DYSF: variants seen among roughly 807,000 people sequenced by gnomAD.
The protein encoded by DYSF is dystrophy-associated fer-1-like 1.
A neutral mutation model predicts 274.9 loss-of-function variants in DYSF; 212 were observed. That is an observed-to-expected ratio of 0.77 (90% CI 0.69 to 0.86). DYSF has a LOEUF of 0.86. Among genes scored for constraint, DYSF ranks in the 40% least tolerant of loss-of-function variants. DYSF has a pLI of 0.00. For synonymous variants in DYSF, 1,091 were observed against 1,078.7 expected (o/e 1.01, Z -0.22); for missense variants, 2,666 against 2,783.2 (o/e 0.96, Z 0.95).
chr2:71,620,958 C>T (rs962974983), intron 41 of DYSF, among the ~76,000 whole-genome samples: 2 of 152,044 alleles, frequency 1.3e-5, no homozygotes, highest in Non-Finnish European at 2.9e-5. Context: ...CTCTTCTGGG[C>T]GTGGGACCTC....
At chr2:71,650,516 G>A (rs1011227158) in intron 42 of DYSF, among the ~76,000 whole-genome samples, 2 of 151,878 alleles carry the variant, frequency 1.3e-5, no homozygotes, top group African/African-American at 4.8e-5. Flanking sequence ...AAAATAAAAG[G>A]TCAGAGGATG....
intron 3 of DYSF, among the ~76,000 whole-genome samples, chr2:71,494,321 G>A (rs2084168196): frequency 6.6e-6 from 1 of 152,166 alleles, no homozygotes; most frequent in Non-Finnish European, 1.5e-5. Context: ...CGGATCTGGA[G>A]GCACATGATG....
intron 22 of DYSF, among the ~76,000 whole-genome samples, chr2:71,558,398 C>T (rs867416516): frequency 1.1e-4 from 17 of 152,118 alleles, no homozygotes; most frequent in Non-Finnish European, 1.5e-4. Flanking sequence ...CATATGGGCA[C>T]GGTCAGCCTG....
intron 26 of DYSF, among the ~76,000 whole-genome samples, chr2:71,569,434 CT>C (rs935423305): frequency 6.6e-6 from 1 of 152,076 alleles, no homozygotes; most frequent in African/African-American, 2.4e-5. Context: ...TGGTGTTTAA[CT>C]TTTTTTTACT....
chr2:71,556,161 T>A, intron 22 of DYSF, 90 bp downstream of exon 22: 2 of 1,120,312 alleles, frequency 1.8e-6, no homozygotes, highest in Non-Finnish European at 2.6e-6. Context: ...CAGTGAGCAG[T>A]GGCACGTCTC....
rs1385108321 is a variant in DYSF at position 71,500,598 on chromosome 2, C to A, written c.240-2616C>A. Among the ~76,000 whole-genome samples, 5 of 152,210 alleles carry A rather than the reference C, an allele frequency of 3.3e-5. No individual in the cohort carries two copies. In the East Asian group the frequency reaches 5.8e-4, roughly 18 times the overall value. ...GCATTTCCTGCCATTGTTCCCTGAC[C>A]CACTTCCGGGAATTCTCCCTGGGCT... On this transcript the variant is annotated intron_variant, in intron 3 of 55. Coordinates refer to ENST00000410020, the MANE Select transcript of DYSF (RefSeq NM_001130987.2).
intron 45 of DYSF, among the ~76,000 whole-genome samples, chr2:71,662,417 T>C (rs1350509845): frequency 6.6e-6 from 1 of 151,952 alleles, no homozygotes; most frequent in Non-Finnish European, 1.5e-5. Flanking sequence ...TGCAGTTGTG[T>C]GTGTATATGT....
At position 71,590,219 on chromosome 2, in the gene DYSF, C is replaced by G. The variant is rs200719174; in HGVS notation, c.3505C>G (p.Arg1169Gly). The G allele has an allele frequency of 1.2e-6, 2 of 1,614,108 alleles. No homozygotes were observed. The highest frequency in any genetic ancestry group is 2.2e-5 in the South Asian group (2 of 91,078). ...TTTTTCCCTTGGTGAAGATGGGAAC[C>G]GCTACCATCTACGCTGCTACATGTA... ...TISCIFDYGN[R>G]YHLRCYMYQA... is the part of the protein sequence containing the mutation. Residue 1169 changes from arginine to glycine, a missense_variant, in exon 32 of 56, where the codon CGC (arginine) becomes GGC (glycine). This residue lies in a region of DYSF where 1,460 missense variants were observed against 1,502.1 expected (regional missense o/e 0.97). Transcript: ENST00000410020.
rs1573191459 is a variant in DYSF at position 71,681,049 on chromosome 2, G to A, written c.6112G>A (p.Glu2038Lys). Residue 2038 changes from glutamate to lysine, a missense_variant, in exon 54 of 56, where the codon GAG (glutamate) becomes AAG (lysine). Around this residue, in one of 3 missense-constraint regions of DYSF, gnomAD observed 1,460 missense variants for 1,502.1 expected, o/e 0.97. Transcript: ENST00000410020. ...GATTGTAGCAGAGAGTGAGCATGAG[G>A]AGCGGCCTGCTGGCCAGGGCCGGGA... is the stretch of plus-strand genomic sequence containing the variant. ...LEIVAESEHE[E>K]RPAGQGRDEP... The A allele has an allele frequency of 6.2e-7, 1 of 1,614,222 alleles. No homozygotes were observed. Among genetic ancestry groups the A allele is most frequent in the Non-Finnish European group, 8.5e-7 (1 of 1,180,054 alleles).
intron 3 of DYSF, among the ~76,000 whole-genome samples, chr2:71,499,766 C>T (rs1431788393): frequency 1.3e-5 from 2 of 152,210 alleles, no homozygotes; most frequent in Non-Finnish European, 2.9e-5. Flanking sequence ...CTCCACCCCC[C>T]ACATTCCAAT....
chr2:71,669,259 C>A, intron 50 of DYSF, 52 bp downstream of exon 50: 2 of 1,462,606 alleles, frequency 1.4e-6, no homozygotes, highest in South Asian at 1.2e-5. Flanking sequence ...CTCCCGTGCT[C>A]CCTCTGGGTT....
At chr2:71,456,136 C>T (rs980700494) in intron 1 of DYSF, among the ~76,000 whole-genome samples, 1 of 151,942 alleles carries the variant, frequency 6.6e-6, no homozygotes, top group Non-Finnish European at 1.5e-5. Context: ...TGCTTTTTGC[C>T]TGCTGCCTGG....
intron 31 of DYSF, among the ~76,000 whole-genome samples, chr2:71,589,951 A>G (rs1271778904): frequency 6.6e-6 from 1 of 151,772 alleles, no homozygotes; most frequent in Non-Finnish European, 1.5e-5. Context: ...CCCATTGTCT[A>G]TTTGGCCTCC....
rs565119350 is a variant in DYSF, at chr2:71,639,965, G to T, written c.4528-4000G>T. Among the ~76,000 whole-genome samples, 11 of 152,336 alleles carry T rather than the reference G, an allele frequency of 7.2e-5. No homozygotes were observed. In the South Asian group the frequency reaches 2.1e-3, roughly 29 times the overall value. ...TGCATTTATGTGTAGGCACAGTTCTGAGCACTCTCTCTATATTGACTCATT... is the reference window on the plus strand; with the variant it reads ...TGCATTTATGTGTAGGCACAGTTCTTAGCACTCTCTCTATATTGACTCATT... On this transcript the variant is annotated intron_variant, in intron 41 of 55. Transcript: ENST00000410020.
At chr2:71,592,139 G>C (rs753356877) in intron 32 of DYSF, among the ~76,000 whole-genome samples, 2 of 152,112 alleles carry the variant, frequency 1.3e-5, no homozygotes, top group Non-Finnish European at 2.9e-5. Context: ...TGTGAGAGGG[G>C]GATGGCCAGG....
At chr2:71,490,620 C>G (rs745958126) in intron 3 of DYSF, among the ~76,000 whole-genome samples, 1 of 152,240 alleles carries the variant, frequency 6.6e-6, no homozygotes, top group African/African-American at 2.4e-5. Flanking sequence ...AGCCACTGCG[C>G]CCGGCCTGGT....
At chr2:71,630,398 C>T (rs2094293613) in intron 41 of DYSF, among the ~76,000 whole-genome samples, 1 of 152,212 alleles carries the variant, frequency 6.6e-6, no homozygotes. Context: ...TACCAATGAA[C>T]TCCTATGTAG....
intron 7 of DYSF, among the ~76,000 whole-genome samples, chr2:71,514,143 C>T (rs1040152135): frequency 3.1e-5 from 3 of 96,390 alleles, no homozygotes; most frequent in Non-Finnish European, 4.2e-5. Context: ...TGTGGTTTTG[C>T]GCTTAAAAAA....
At chr2:71,535,722 G>A (rs997575256) in intron 16 of DYSF, among the ~76,000 whole-genome samples, 1 of 152,136 alleles carries the variant, frequency 6.6e-6, no homozygotes, top group Non-Finnish European at 1.5e-5. Flanking sequence ...CCCTGGGTTG[G>A]TGGGATGAAA....
Sources: allele counts gnomAD v4.1 joint callset (sites outside exome capture counted in the v4.1 genomes callset), GRCh38; gene constraint gnomAD v4.1.1; regional missense constraint gnomAD v4.1.1; transcripts MANE v1.5; gene names NCBI Gene and HGNC (gene_info 2026-07-23, HGNC 2026-07-21).